QTMAN: variants seen among roughly 807,000 people sequenced by gnomAD.
QTMAN encodes tRNA-queuosine alpha-mannosyltransferase.
chr2:143,951,191 G>C, the QTMAN span, among the ~76,000 whole-genome samples: 1 of 151,486 alleles, frequency 6.6e-6, no homozygotes, highest in Admixed American at 6.6e-5. Context: ...CTATACTGGA[G>C]TTATGTAAAA....
the QTMAN span, among the ~76,000 whole-genome samples, chr2:144,297,347 T>TAA: frequency 6.6e-6 from 1 of 152,074 alleles, no homozygotes; most frequent in Non-Finnish European, 1.5e-5. Flanking sequence ...CGCAAAAACT[T>TAA]TCTTTTTGTC....
the QTMAN span, among the ~76,000 whole-genome samples, chr2:144,028,762 A>G: frequency 1.3e-5 from 2 of 152,222 alleles, no homozygotes; most frequent in African/African-American, 4.8e-5. Context: ...TGCTAGGATA[A>G]ATGAATCTGT....
At chr2:144,141,876 A>T in the QTMAN span, 1 of 1,596,008 alleles carries the variant, frequency 6.3e-7, no homozygotes, top group Non-Finnish European at 8.6e-7. Flanking sequence ...AGTCAAACAT[A>T]CTGACCTGCT....
chr2:144,170,136 T>C, the QTMAN span, among the ~76,000 whole-genome samples: 1 of 152,220 alleles, frequency 6.6e-6, no homozygotes, highest in Non-Finnish European at 1.5e-5. Context: ...TATTTCACTA[T>C]ATGAATATAC....
chr2:144,152,904 G>A, the QTMAN span, among the ~76,000 whole-genome samples: 1 of 152,228 alleles, frequency 6.6e-6, no homozygotes, highest in Non-Finnish European at 1.5e-5. Context: ...TCACAAAGCA[G>A]TGTGAGATTG....
the QTMAN span, among the ~76,000 whole-genome samples, chr2:144,223,497 C>T: frequency 9.2e-5 from 14 of 152,104 alleles, no homozygotes; most frequent in African/African-American, 4.8e-5. Flanking sequence ...AGATCACCTC[C>T]AACATTAGTA....
At chr2:144,050,833 A>G in the QTMAN span, among the ~76,000 whole-genome samples, 2 of 152,054 alleles carry the variant, frequency 1.3e-5, no homozygotes, top group Admixed American at 1.3e-4. Context: ...TTGTTATACT[A>G]TATTTTTTAG....
chr2:144,166,830 A>G, the QTMAN span, among the ~76,000 whole-genome samples: 1 of 152,124 alleles, frequency 6.6e-6, no homozygotes, highest in African/African-American at 2.4e-5. Flanking sequence ...ACATATCTGA[A>G]CCAAATCCCC....
the QTMAN span, among the ~76,000 whole-genome samples, chr2:143,992,020 C>T: frequency 1.6e-4 from 25 of 152,356 alleles, no homozygotes; most frequent in East Asian, 4.4e-3. Flanking sequence ...GCCACCACCC[C>T]GTCTGGAAGG....
the QTMAN span, among the ~76,000 whole-genome samples, chr2:144,324,521 A>G: frequency 6.6e-6 from 1 of 152,224 alleles, no homozygotes; most frequent in Non-Finnish European, 1.5e-5. Flanking sequence ...CTTGCTGCTC[A>G]TAAATGGCCC....
chr2:144,062,860 C>A, the QTMAN span, among the ~76,000 whole-genome samples: 4 of 152,156 alleles, frequency 2.6e-5, no homozygotes, highest in African/African-American at 9.7e-5. Context: ...CAGAATCTCT[C>A]CTTTGTACGA....
the QTMAN span, among the ~76,000 whole-genome samples, chr2:144,093,678 G>T: frequency 6.6e-6 from 1 of 152,158 alleles, no homozygotes; most frequent in Non-Finnish European, 1.5e-5. Flanking sequence ...AAGTTACATG[G>T]ACCTGAAAGT....
chr2:144,112,518 T>C, the QTMAN span, among the ~76,000 whole-genome samples: 1 of 152,162 alleles, frequency 6.6e-6, no homozygotes, highest in South Asian at 2.1e-4. Flanking sequence ...AAAAATCTAT[T>C]CTCTCTAGCC....
chr2:144,045,938 T>C, the QTMAN span, among the ~76,000 whole-genome samples: 5 of 152,214 alleles, frequency 3.3e-5, no homozygotes, highest in Non-Finnish European at 5.9e-5. Context: ...ATGGCTACAA[T>C]ATATAGTTGC....
At chr2:144,145,721 T>C in the QTMAN span, 1 of 1,609,050 alleles carries the variant, frequency 6.2e-7, no homozygotes, top group Admixed American at 1.7e-5. Context: ...GGTTAAGCAC[T>C]GAACTTGCAA....
chr2:144,316,423 A>C, the QTMAN span, among the ~76,000 whole-genome samples: 1 of 152,182 alleles, frequency 6.6e-6, no homozygotes, highest in Non-Finnish European at 1.5e-5. Flanking sequence ...AATGTTTGGT[A>C]GTCAGCTTTG....
chr2:144,025,194 G>GCCTATATAAGAAAAGCCTATATA, the QTMAN span, among the ~76,000 whole-genome samples: 1 of 152,160 alleles, frequency 6.6e-6, no homozygotes, highest in Admixed American at 6.5e-5. Flanking sequence ...GAAAAGGGTA[G>GCCTATATAAGAAAAGCCTATATA]AGACTGGGAT....
chr2:144,301,386 CTACTTTTTG>C, the QTMAN span, among the ~76,000 whole-genome samples: 1 of 152,146 alleles, frequency 6.6e-6, no homozygotes, highest in Non-Finnish European at 1.5e-5. Context: ...CCACGCCCAG[CTACTTTTTG>C]TACTTTTAGT....
At chr2:144,031,644 T>A in the QTMAN span, among the ~76,000 whole-genome samples, 2 of 152,238 alleles carry the variant, frequency 1.3e-5, no homozygotes, top group African/African-American at 4.8e-5. Context: ...CCAGCAGTGA[T>A]GAAAACTTTA....
Sources: gnomAD v4.1 joint callset for allele counts (sites outside exome capture counted in the v4.1 genomes callset) on GRCh38, gnomAD v4.1.1 for gene constraint, MANE v1.5 for transcripts, NCBI Gene and HGNC (gene_info 2026-07-23, HGNC 2026-07-21) for gene names.